Variants in NOS1AP observed in about 807,000 individuals in gnomAD.
NOS1AP encodes carboxyl-terminal PDZ ligand of neuronal nitric oxide synthase protein.
A neutral mutation model predicts 56.2 loss-of-function variants in NOS1AP; 21 were observed. That is an observed-to-expected ratio of 0.37 (90% CI 0.26 to 0.54). NOS1AP has a LOEUF of 0.54. NOS1AP is among the 20% of genes least tolerant of loss of function. NOS1AP has a pLI of 0.84. For missense variants in NOS1AP, 522 were observed against 657.8 expected (o/e 0.79, Z 2.26); for synonymous variants, 270 against 274.6 (o/e 0.98, Z 0.17).
chr1:162,177,027 A>G (rs368843879), intron 2 of NOS1AP, among the ~76,000 whole-genome samples: 9 of 152,294 alleles, frequency 5.9e-5, no homozygotes, highest in African/African-American at 2.2e-4. Flanking sequence ...TACCTCCTCA[A>G]TTCTACCTGG....
chr1:162,355,717 T>C (rs1657683164), intron 7 of NOS1AP, among the ~76,000 whole-genome samples: 1 of 152,106 alleles, frequency 6.6e-6, no homozygotes, highest in Admixed American at 6.5e-5. Context: ...ACTTAGCTAG[T>C]AGAGCAAAGT....
intron 2 of NOS1AP, among the ~76,000 whole-genome samples, chr1:162,160,432 A>G (rs541528570): frequency 3.5e-4 from 53 of 152,362 alleles, no homozygotes; most frequent in African/African-American, 1.0e-3. Flanking sequence ...TTGGGAGAAC[A>G]TAACTGAAAT....
At chr1:162,222,625 C>T (rs1244881654) in intron 2 of NOS1AP, among the ~76,000 whole-genome samples, 2 of 152,206 alleles carry the variant, frequency 1.3e-5, no homozygotes, top group South Asian at 2.1e-4. Context: ...TACTACTCAA[C>T]TTAGTTCATA....
At chr1:162,275,380 G>A (rs1200196257) in intron 2 of NOS1AP, among the ~76,000 whole-genome samples, 1 of 152,170 alleles carries the variant, frequency 6.6e-6, no homozygotes, top group African/African-American at 2.4e-5. Context: ...GTTTCACCAT[G>A]TTGGCCAGGC....
At chr1:162,323,614 T>C (rs1656486127) in intron 4 of NOS1AP, among the ~76,000 whole-genome samples, 1 of 152,216 alleles carries the variant, frequency 6.6e-6, no homozygotes, top group South Asian at 2.1e-4. Flanking sequence ...ACACAATAGA[T>C]TAGCAAATAT....
intron 6 of NOS1AP, 77 bp downstream of exon 6, chr1:162,344,053 C>T (rs1047516374): frequency 5.3e-6 from 8 of 1,510,734 alleles, no homozygotes; most frequent in Middle Eastern, 1.7e-4. Flanking sequence ...CTGCCCTGAC[C>T]CCCAGGCTGT....
At chr1:162,350,768 TCCTACATA>T (rs1470305941) in intron 6 of NOS1AP, among the ~76,000 whole-genome samples, 1 of 152,154 alleles carries the variant, frequency 6.6e-6, no homozygotes, top group Non-Finnish European at 1.5e-5. Context: ...GCCTTATTCA[TCCTACATA>T]CCTGCAACTT....
chr1:162,310,451 A>T (rs1196120300), intron 4 of NOS1AP, among the ~76,000 whole-genome samples: 1 of 152,234 alleles, frequency 6.6e-6, no homozygotes, highest in Non-Finnish European at 1.5e-5. Context: ...ATCTCTTTCT[A>T]ACTTCTCATA....
rs115968306 is a variant in NOS1AP at position 162,277,717 on chromosome 1, A to G, written c.178-9627A>G. ...CTATTACCTGATTCTCCAGTGCAAG[A>G]TAGACTTTTTCAATGTATAACACAT... is the stretch of plus-strand genomic sequence containing the variant. On this transcript the variant is annotated intron_variant, in intron 2 of 9. Transcript: ENST00000361897. Among the ~76,000 whole-genome samples the G allele has an allele frequency of 5.1e-3, 772 of 152,314 alleles. 11 individuals carry two copies. The highest frequency in any genetic ancestry group is 0.018 in the African/African-American group (737 of 41,558).
At chr1:162,257,828 C>T (rs1403017175) in intron 2 of NOS1AP, among the ~76,000 whole-genome samples, 2 of 152,056 alleles carry the variant, frequency 1.3e-5, no homozygotes, top group African/African-American at 4.8e-5. Flanking sequence ...TGAGTGTAAC[C>T]CAAAGTTCCT....
chr1:162,078,896 T>C (rs1691829612), intron 1 of NOS1AP, among the ~76,000 whole-genome samples: 1 of 152,170 alleles, frequency 6.6e-6, no homozygotes, highest in South Asian at 2.1e-4. Context: ...GAGCTGCTTG[T>C]CCTGTCCAAT....
Position 162,070,001 on chromosome 1 carries a change from C to T in NOS1AP, c.-177C>T. ...CCCGCATCAGCTCAGCCCGCTGCCG[C>T]TCGGCCCTCGGCACCGCTCCGGGTC... On this transcript the variant is annotated 5_prime_UTR_variant, in exon 1 of 10. Transcript: ENST00000361897. 1 of 364,732 alleles carries T rather than the reference C, an allele frequency of 2.7e-6. No individual in the cohort carries two copies. Among genetic ancestry groups the T allele is most frequent in the Non-Finnish European group, 4.9e-6 (1 of 202,592 alleles). 22.6% of individuals were successfully genotyped at this position (364,732 alleles called of 1,614,324 possible).
intron 1 of NOS1AP, among the ~76,000 whole-genome samples, chr1:162,102,673 T>C (rs904459200): frequency 2.0e-5 from 3 of 152,186 alleles, no homozygotes; most frequent in Non-Finnish European, 4.4e-5. Flanking sequence ...GGAGGATATA[T>C]GTGTCCAGGA....
chr1:162,075,179 T>C (rs1309485263), intron 1 of NOS1AP, among the ~76,000 whole-genome samples: 1 of 152,192 alleles, frequency 6.6e-6, no homozygotes, highest in South Asian at 2.1e-4. Flanking sequence ...GGACCTTGCC[T>C]CATGCCTTGG....
At chr1:162,292,831 A>G (rs1655323803) in intron 3 of NOS1AP, among the ~76,000 whole-genome samples, 1 of 152,246 alleles carries the variant, frequency 6.6e-6, no homozygotes, top group African/African-American at 2.4e-5. Flanking sequence ...GGAGGCACTC[A>G]GAATTATAGA....
At chr1:162,360,715 T>C in intron 8 of NOS1AP, 1 of 434,958 alleles carries the variant, frequency 2.3e-6, no homozygotes, top group South Asian at 1.7e-5. Context: ...TATGTCCCTG[T>C]GGCTTCTCCC....
chr1:162,290,109 G>A (rs78805439), intron 3 of NOS1AP, among the ~76,000 whole-genome samples: 2,784 of 152,246 alleles, frequency 0.018, 81 homozygotes, highest in African/African-American at 0.061. Context: ...ATGGGACCTC[G>A]TGACTCACTT....
intron 4 of NOS1AP, among the ~76,000 whole-genome samples, chr1:162,329,350 A>G (rs1656689726): frequency 7.2e-6 from 1 of 139,650 alleles, no homozygotes; most frequent in Admixed American, 7.5e-5. Flanking sequence ...CCAAGATTTC[A>G]CCAAGAAAAA....
chr1:162,273,160 CTTT>C (rs11429407), intron 2 of NOS1AP, among the ~76,000 whole-genome samples: 5 of 106,208 alleles, frequency 4.7e-5, no homozygotes, highest in Non-Finnish European at 3.5e-5. Context: ...AGCCCTTGTT[CTTT>C]TTTTTTTTTT....
Sources: gnomAD v4.1 joint callset for allele counts (sites outside exome capture counted in the v4.1 genomes callset) on GRCh38, gnomAD v4.1.1 for gene constraint, MANE v1.5 for transcripts, NCBI Gene and HGNC (gene_info 2026-07-23, HGNC 2026-07-21) for gene names.